PCDH15: variants seen among roughly 807,000 people sequenced by gnomAD.
PCDH15 encodes the protein protocadherin related 15, also known as protocadherin-15.
PCDH15 carries 129 observed loss-of-function variants against 178.5 expected under a neutral mutation model. That is an observed-to-expected ratio of 0.72 (90% CI 0.63 to 0.84). PCDH15 has a LOEUF of 0.84. PCDH15 is among the 40% of genes least tolerant of loss of function. The probability of loss-of-function intolerance (pLI) is 0.00; values close to 1 mark genes in which losing one functional copy is unlikely to be tolerated. For missense variants in PCDH15, 2,230 were observed against 2,099.9 expected, an observed-to-expected ratio of 1.06 and a Z score of -1.21; for synonymous variants, 800 against 732.0, an observed-to-expected ratio of 1.09 and a Z score of -1.50.
At chr10:54,975,049 TAA>T (rs1839034448) in intron 2 of PCDH15, among the ~76,000 whole-genome samples, 1 of 152,162 alleles carries the variant, frequency 6.6e-6, no homozygotes, top group South Asian at 2.1e-4. Context: ...GGACACACCC[TAA>T]AAGTGACTAA....
At chr10:54,023,467 T>C (rs1232677659) in intron 18 of PCDH15, among the ~76,000 whole-genome samples, 1 of 150,410 alleles carries the variant, frequency 6.6e-6, no homozygotes, top group African/African-American at 2.4e-5. Flanking sequence ...ATAAAAATAC[T>C]GAATCTTTGT....
intron 1 of PCDH15, among the ~76,000 whole-genome samples, chr10:54,688,697 CCA>C (rs980174837): frequency 6.6e-6 from 1 of 151,970 alleles, no homozygotes. Flanking sequence ...TAAGCTTCAC[CCA>C]TTAAAATTTC....
intron 2 of PCDH15, among the ~76,000 whole-genome samples, chr10:55,160,499 G>A (rs2680315): frequency 0.69 from 104,742 of 151,810 alleles, 37,497 homozygotes; most frequent in South Asian, 0.82. Flanking sequence ...CTATGTCACT[G>A]CTTAGGACAG....
intron 2 of PCDH15, among the ~76,000 whole-genome samples, chr10:54,622,756 A>T: frequency 3.3e-5 from 1 of 30,110 alleles, no homozygotes; most frequent in Non-Finnish European, 8.0e-5. Context: ...ATATATAATT[A>T]TATTATATAT....
chr10:53,808,874 C>G, intron 37 of PCDH15: 1 of 1,603,878 alleles, frequency 6.2e-7, no homozygotes, highest in Non-Finnish European at 8.5e-7. Context: ...TCCACCGAAG[C>G]TGATTCTGCA....
intron 2 of PCDH15, among the ~76,000 whole-genome samples, chr10:55,611,135 T>G (rs1454499053): frequency 2.0e-5 from 3 of 151,894 alleles, no homozygotes; most frequent in Non-Finnish European, 4.4e-5. Flanking sequence ...TTCTTAGATA[T>G]GACCAAAAAT....
intron 18 of PCDH15, among the ~76,000 whole-genome samples, chr10:54,060,968 ACTGG>A (rs2094001687): frequency 6.6e-6 from 1 of 152,158 alleles, no homozygotes; most frequent in African/African-American, 2.4e-5. Flanking sequence ...GATTTAGTAG[ACTGG>A]CTTAGAGTCA....
At chr10:54,701,742 C>T (rs2095311165) in intron 1 of PCDH15, among the ~76,000 whole-genome samples, 1 of 152,004 alleles carries the variant, frequency 6.6e-6, no homozygotes, top group Admixed American at 6.6e-5. Flanking sequence ...TTCAATTCAA[C>T]AAGAAATCCC....
intron 1 of PCDH15, among the ~76,000 whole-genome samples, chr10:54,768,517 G>A (rs981797791): frequency 1.3e-5 from 2 of 152,068 alleles, no homozygotes; most frequent in African/African-American, 4.8e-5. Flanking sequence ...ATATTCTCAG[G>A]ATTTCAGAGA....
chr10:54,200,950 T>C (rs2050172656), intron 10 of PCDH15, among the ~76,000 whole-genome samples: 1 of 152,176 alleles, frequency 6.6e-6, no homozygotes, highest in Non-Finnish European at 1.5e-5. Flanking sequence ...CCACAGTCCA[T>C]ATCCAACTGT....
intron 2 of PCDH15, among the ~76,000 whole-genome samples, chr10:54,569,336 A>T (rs2133531668): frequency 6.6e-6 from 1 of 152,256 alleles, no homozygotes; most frequent in South Asian, 2.1e-4. Flanking sequence ...TTTTTATTTG[A>T]TCATGCTTAT....
rs576304284 is a variant in PCDH15 at position 54,517,394 on chromosome 10, C to T, written c.157+10418G>A. Among the ~76,000 whole-genome samples the T allele has an allele frequency of 4.0e-4, 61 of 151,992 alleles. 1 individual carries two copies. Among genetic ancestry groups the T allele is most frequent in the Non-Finnish European group, 6.6e-4 (45 of 67,916 alleles). ...TACCAAGCAAAAGGAAAACAAAAAA[C>T]GGCAGGAGTTGCAATCCTAGTCTCT... is the stretch of plus-strand genomic sequence containing the variant. On this transcript the variant is annotated intron_variant, in intron 3 of 37. Coordinates refer to ENST00000644397, the MANE Select transcript of PCDH15 (RefSeq NM_001384140.1).
chr10:55,419,753 T>G (rs904112070), intron 2 of PCDH15, among the ~76,000 whole-genome samples: 12 of 151,740 alleles, frequency 7.9e-5, no homozygotes, highest in Non-Finnish European at 1.8e-4. Flanking sequence ...TATAGTTGCT[T>G]TAGGGCTACA....
At chr10:54,931,727 T>C (rs1226116976) in intron 2 of PCDH15, among the ~76,000 whole-genome samples, 1 of 152,206 alleles carries the variant, frequency 6.6e-6, no homozygotes, top group Admixed American at 6.5e-5. Context: ...AGTTTTATAA[T>C]AAACCATTAA....
At chr10:53,980,747 A>G (rs2090569388) in intron 21 of PCDH15, among the ~76,000 whole-genome samples, 1 of 152,198 alleles carries the variant, frequency 6.6e-6, no homozygotes, top group Admixed American at 6.5e-5. Context: ...TTATGAGTTA[A>G]ACAAAAACAA....
chr10:54,675,437 T>A (rs2094766019), intron 1 of PCDH15, among the ~76,000 whole-genome samples: 1 of 150,794 alleles, frequency 6.6e-6, no homozygotes, highest in Non-Finnish European at 1.5e-5. Context: ...CTGACCTTTT[T>A]AATTCTAAGG....
intron 26 of PCDH15, among the ~76,000 whole-genome samples, chr10:53,890,641 T>C (rs1251866438): frequency 6.6e-6 from 1 of 152,142 alleles, no homozygotes; most frequent in Non-Finnish European, 1.5e-5. Flanking sequence ...ATTATCTTTA[T>C]AAAAACTAGT....
intron 2 of PCDH15, among the ~76,000 whole-genome samples, chr10:55,002,732 A>C (rs1219846249): frequency 6.6e-6 from 1 of 152,192 alleles, no homozygotes; most frequent in Non-Finnish European, 1.5e-5. Flanking sequence ...AGGCCCAAGT[A>C]CTATTATGGA....
chr10:55,119,860 T>A (rs576677028), intron 2 of PCDH15, among the ~76,000 whole-genome samples: 1 of 152,198 alleles, frequency 6.6e-6, no homozygotes, highest in African/African-American at 2.4e-5. Context: ...TGACAAAAGA[T>A]AGGAGAGACT....
Sources: gnomAD v4.1 joint callset for allele counts (sites outside exome capture counted in the v4.1 genomes callset) on GRCh38, gnomAD v4.1.1 for gene constraint, MANE v1.5 for transcripts, NCBI Gene and HGNC (gene_info 2026-07-23, HGNC 2026-07-21) for gene names.